The following ZFHX3 variants were observed in gnomAD, a reference collection of about 807,000 sequenced individuals.
The protein encoded by ZFHX3 is zinc finger homeobox 3, also known as zinc finger homeobox protein 3.
ZFHX3 carries 42 observed loss-of-function variants against 279.1 expected under a neutral mutation model. That is an observed-to-expected ratio of 0.15 (90% confidence interval 0.12 to 0.19). The LOEUF is 0.19. Among genes scored for constraint, ZFHX3 ranks in the 10% least tolerant of loss-of-function variants. ZFHX3 has a pLI of 1.00. For missense variants in ZFHX3, 4,981 were observed against 4,754.0 expected (o/e 1.05, Z -1.40); for synonymous variants, 2,293 against 1,957.8 (o/e 1.17, Z -4.52).
At chr16:73,800,325 C>T (rs1243924448) in intron 1 of ZFHX3, among the ~76,000 whole-genome samples, 1 of 152,034 alleles carries the variant, frequency 6.6e-6, no homozygotes, top group Non-Finnish European at 1.5e-5. Context: ...TCAAGCAATT[C>T]TCCCGTCTCA....
At chr16:73,655,800 G>A (rs1018090747) in intron 2 of ZFHX3, among the ~76,000 whole-genome samples, 3 of 152,136 alleles carry the variant, frequency 2.0e-5, no homozygotes, top group Non-Finnish European at 4.4e-5. Context: ...AAAACCATTT[G>A]ACATTTAATA....
chr16:73,352,455 T>G, intron 3 of ZFHX3, among the ~76,000 whole-genome samples: 1 of 138,896 alleles, frequency 7.2e-6, no homozygotes, highest in East Asian at 2.0e-4. Context: ...AAGCCTTTGG[T>G]TTCTCTCTCT....
chr16:73,310,955 A>T (rs566176710), intron 4 of ZFHX3, among the ~76,000 whole-genome samples: 26 of 152,268 alleles, frequency 1.7e-4, no homozygotes, highest in African/African-American at 6.3e-4. Flanking sequence ...CACCCCAGCC[A>T]GGTGCAGTGG....
At chr16:73,514,352 A>G (rs1768394696) in intron 2 of ZFHX3, among the ~76,000 whole-genome samples, 1 of 152,220 alleles carries the variant, frequency 6.6e-6, no homozygotes, top group Non-Finnish European at 1.5e-5. Flanking sequence ...TGCTGCTGCT[A>G]CTATTAATAA....
chr16:72,922,685 T>C (rs966714911), intron 3 of ZFHX3, among the ~76,000 whole-genome samples: 2 of 152,212 alleles, frequency 1.3e-5, no homozygotes, highest in Admixed American at 6.5e-5. Flanking sequence ...TTTCTTCCTT[T>C]GAAATTGCCT....
chr16:73,859,054 C>A (rs1961813261), intron 1 of ZFHX3, among the ~76,000 whole-genome samples: 1 of 152,168 alleles, frequency 6.6e-6, no homozygotes, highest in African/African-American at 2.4e-5. Context: ...CATCTTTTCC[C>A]TGGGGAAAAG....
intron 4 of ZFHX3, among the ~76,000 whole-genome samples, chr16:73,315,732 C>A (rs184641102): frequency 6.6e-6 from 1 of 152,108 alleles, no homozygotes; most frequent in African/African-American, 2.4e-5. Flanking sequence ...GACTAGCAAA[C>A]GCAAAGTGCC....
intron 2 of ZFHX3, among the ~76,000 whole-genome samples, chr16:73,627,047 A>T (rs1050127492): frequency 6.6e-6 from 1 of 152,200 alleles, no homozygotes; most frequent in Admixed American, 6.5e-5. Flanking sequence ...AACAAAAATA[A>T]TATATTGTTA....
intron 2 of ZFHX3, among the ~76,000 whole-genome samples, chr16:73,468,754 G>A (rs1597347130): frequency 6.6e-6 from 1 of 152,106 alleles, no homozygotes. Context: ...TTTGGGAGGA[G>A]AAAAGATTTG....
At chr16:72,971,667 A>T (rs1486068076) in intron 1 of ZFHX3, among the ~76,000 whole-genome samples, 1 of 152,074 alleles carries the variant, frequency 6.6e-6, no homozygotes, top group Non-Finnish European at 1.5e-5. Context: ...GTCCCCCAGG[A>T]AAGTCCTTTC....
At chr16:73,675,308 GTTAA>G (rs1193654259) in intron 2 of ZFHX3, among the ~76,000 whole-genome samples, 3 of 151,942 alleles carry the variant, frequency 2.0e-5, no homozygotes, top group South Asian at 2.1e-4. Flanking sequence ...CAGTTTTATG[GTTAA>G]TTAGAGAGCT....
intron 5 of ZFHX3, among the ~76,000 whole-genome samples, chr16:73,228,697 GC>G (rs1323157354): frequency 1.3e-5 from 2 of 152,106 alleles, no homozygotes; most frequent in Non-Finnish European, 1.5e-5. Flanking sequence ...ACTTTCAAGG[GC>G]CCTTAAAAAT....
intron 3 of ZFHX3, among the ~76,000 whole-genome samples, chr16:72,945,738 CAT>C (rs2144366858): frequency 6.6e-6 from 1 of 152,124 alleles, no homozygotes; most frequent in Admixed American, 6.5e-5. Flanking sequence ...CGACGCAAAC[CAT>C]ATGACACTTT....
intron 8 of ZFHX3, among the ~76,000 whole-genome samples, chr16:73,084,128 C>G (rs1965980859): frequency 6.6e-6 from 1 of 152,130 alleles, no homozygotes; most frequent in Non-Finnish European, 1.5e-5. Context: ...CTCAAAATGC[C>G]AATAGCAATG....
rs1183891742 is a variant in ZFHX3, at chr16:72,829,785, C to T, written c.3523G>A (p.Gly1175Ser). The T allele has an allele frequency of 1.9e-6, 3 of 1,614,104 alleles. No individual in the cohort carries two copies. The highest frequency in any genetic ancestry group is 2.5e-6 in the Non-Finnish European group (3 of 1,180,048). Reference protein sequence around the residue: ...DPEELAKDQEGGASSSQAEKE... With the variant: ...DPEELAKDQESGASSSQAEKE... ...TTGCCCTGGTCTTTCTCACCTCCGC[C>T]CTCTTGGTCCTTAGCAAGCTCCTCT... Residue 1175 changes from glycine (G) to serine (S), a missense_variant, in exon 5 of 10, where the codon GGC (glycine) becomes AGC (serine). Gly to Ser is a moderately conservative substitution (Grantham distance 56). Around this residue, in one of 7 missense-constraint regions of ZFHX3, gnomAD observed 1,751 missense variants for 1,770.0 expected, o/e 0.99. Transcript: ENST00000268489.
In ZFHX3 at chr16:72,796,684, T is replaced by C; in HGVS notation, c.5998A>G (p.Ser2000Gly). The C allele has an allele frequency of 1.9e-6, 3 of 1,613,954 alleles. No individual in the cohort carries two copies. The highest frequency in any genetic ancestry group is 2.5e-6 in the Non-Finnish European group (3 of 1,179,994). ...KLFSNILILK[S>G]HQEHVHQNYF... ...TTCTGATGAACGTGCTCTTGATGACTCTTTAAAATCAAGATGTTGGAAAAC... is the reference window on the plus strand; with the variant it reads ...TTCTGATGAACGTGCTCTTGATGACCCTTTAAAATCAAGATGTTGGAAAAC... Residue 2000 changes from serine to glycine, a missense_variant, in exon 9 of 10, where the codon AGT becomes GGT. Transcript: ENST00000268489.
chr16:73,535,125 G>A (rs780523709), intron 2 of ZFHX3, among the ~76,000 whole-genome samples: 6 of 152,090 alleles, frequency 3.9e-5, no homozygotes, highest in Admixed American at 6.5e-5. Flanking sequence ...TCAACTTTCC[G>A]ACACTATGTC....
intron 1 of ZFHX3, among the ~76,000 whole-genome samples, chr16:73,837,739 C>T (rs1313845331): frequency 2.0e-5 from 3 of 152,160 alleles, no homozygotes; most frequent in Non-Finnish European, 4.4e-5. Context: ...CGCGTTCAAG[C>T]GATTCTCCTG....
At chr16:73,091,164 T>A (rs1006075824) in intron 8 of ZFHX3, among the ~76,000 whole-genome samples, 1 of 144,600 alleles carries the variant, frequency 6.9e-6, no homozygotes, top group Admixed American at 7.1e-5. Flanking sequence ...TGAGTGGAGA[T>A]CACGCCACTG....
Sources: gnomAD v4.1 joint callset for allele counts (sites outside exome capture counted in the v4.1 genomes callset) on GRCh38, gnomAD v4.1.1 for gene constraint, gnomAD v4.1.1 regional missense constraint, MANE v1.5 for transcripts, NCBI Gene and HGNC (gene_info 2026-07-23, HGNC 2026-07-21) for gene names.